PRELID1: variants seen among roughly 807,000 people sequenced by gnomAD.
PRELID1 encodes PRELI domain-containing protein 1, mitochondrial.
A neutral mutation model predicts 29.0 loss-of-function variants in PRELID1; 15 were observed. That is an observed-to-expected ratio of 0.52 (90% CI 0.35 to 0.80). PRELID1 has a LOEUF of 0.80. Ranked by LOEUF, PRELID1 falls within the 30% of genes least tolerant of loss-of-function variation. The pLI, the probability that PRELID1 is intolerant of heterozygous loss-of-function variation, is 0.01. For synonymous variants in PRELID1, 79 were observed against 106.5 expected (o/e 0.74, Z 1.59); for missense variants, 187 against 275.9 (o/e 0.68, Z 2.28).
chr5:177,305,003 G>T (rs1266318796), intron 2 of PRELID1, among the ~76,000 whole-genome samples, 153 bp downstream of exon 2: 1 of 152,088 alleles, frequency 6.6e-6, no homozygotes. Context: ...TGTAGAGTAT[G>T]ACCTCAGGTT....
At chr5:177,305,790 G>A (rs1329323909) in intron 2 of PRELID1, 81 bp from the exon 3 acceptor site, 3 of 1,202,096 alleles carry the variant, frequency 2.5e-6, no homozygotes, top group Non-Finnish European at 3.7e-6. Context: ...TTCGCCTCAT[G>A]AAAAGTGACA....
In PRELID1 at chr5:177,306,136, G is replaced by A; in HGVS notation, c.471G>A (p.Lys157=). The A allele has an allele frequency of 2.5e-6, 4 of 1,613,936 alleles. No homozygotes were observed. Among genetic ancestry groups the A allele is most frequent in the Non-Finnish European group, 3.4e-6 (4 of 1,179,834 alleles). The change falls in exon 4 of 5, where the codon AAG becomes AAA. Residue 157 remains lysine, a synonymous_variant. Coordinates refer to ENST00000303204, the MANE Select transcript of PRELID1 (RefSeq NM_013237.4). ...CCCGATTCAAAAGCAACGTGACCAA[G>A]ACTATGAAGGGTTTTGAATATATCT... ...GLARFKSNVT[K]TMKGFEYILA...
Position 177,306,250 on chromosome 5 carries a change from A to C in PRELID1, c.511+74A>C, listed in dbSNP as rs575089159. 176 of 1,568,610 alleles carry C rather than the reference A, an allele frequency of 1.1e-4. 3 individuals carry two copies. In the Middle Eastern group the frequency reaches 1.5e-3, roughly 13 times the overall value. ...GCCTAGCGGGCGTGGAGTCTGGGTT[A>C]GTCATTGCCCTGCTCTGAGCTGGGA... is the stretch of plus-strand genomic sequence containing the variant. On this transcript the variant is annotated intron_variant, in intron 4 of 4. Coordinates refer to ENST00000303204, the MANE Select transcript of PRELID1 (RefSeq NM_013237.4).
chr5:177,304,901 G>A lies in PRELID1; in HGVS notation c.318+51G>A, dbSNP rs753417969. 9 of 1,469,782 alleles carry A rather than the reference G, an allele frequency of 6.1e-6. No individual in the cohort carries two copies. The East Asian group carries it at 9.7e-5, about 16-fold the overall frequency. The allele number at this position is 1,469,782 out of a possible 1,614,324, so 91.0% of individuals were successfully genotyped here. A position where few individuals can be genotyped will look rare whatever the true frequency, so the allele number is the denominator to read the frequency against. ...GCACCTCCCCCTCTCCCCTCCCCCCGAGATAGAGAGCTCCTCAGATACATG... is the reference window on the plus strand; with the variant it reads ...GCACCTCCCCCTCTCCCCTCCCCCCAAGATAGAGAGCTCCTCAGATACATG... On this transcript the variant is annotated intron_variant, in intron 2 of 4. Transcript: ENST00000303204.
chr5:177,305,164 C>T (rs1043248754), intron 2 of PRELID1, among the ~76,000 whole-genome samples: 13 of 151,178 alleles, frequency 8.6e-5, no homozygotes, highest in African/African-American at 3.2e-4. Context: ...GTTGGACTCA[C>T]AGGAGTGATG....
chr5:177,304,731 G>A lies in PRELID1; in HGVS notation c.199G>A (p.Glu67Lys), dbSNP rs1477015261. ...GACCAACAGGATGCCACGCTGGGCCGAGCGACTATTTCCTGCCAATGTTGC... is the reference window on the plus strand; with the variant it reads ...GACCAACAGGATGCCACGCTGGGCCAAGCGACTATTTCCTGCCAATGTTGC... ...TKTNRMPRWA[E>K]RLFPANVAHS... The change falls in exon 2 of 5, where the codon GAG becomes AAG. Residue 67 changes from glutamate (E) to lysine (K), a missense_variant. Glu to Lys is a moderately conservative substitution (Grantham distance 56). Coordinates refer to ENST00000303204, the MANE Select transcript of PRELID1 (RefSeq NM_013237.4). The A allele has an allele frequency of 6.8e-6, 11 of 1,613,818 alleles. No homozygotes were observed. The highest frequency in any genetic ancestry group is 6.8e-6 in the Non-Finnish European group (8 of 1,179,852).
intron 2 of PRELID1, 85 bp downstream of exon 2, chr5:177,304,935 G>C: frequency 7.5e-7 from 1 of 1,330,540 alleles, no homozygotes; most frequent in Non-Finnish European, 1.0e-6. Flanking sequence ...TGTGGCTAGA[G>C]AGCCATAAGG....
Position 177,303,849 on chromosome 5 carries a change from G to A in PRELID1, c.-137G>A, listed in dbSNP as rs1760782147. On this transcript the variant is annotated 5_prime_UTR_variant, in exon 1 of 5. Coordinates refer to ENST00000303204, the MANE Select transcript of PRELID1 (RefSeq NM_013237.4). This position sits in a 1 kb window ranked among gnomAD's most constrained non-coding sequence, Gnocchi z 6.1. ...GGCGGCGGCGGCGGCAGCTGCTTGG[G>A]CGCGGTGCGGTGGTGACTGAGCTAC... The A allele has an allele frequency of 8.7e-6, 5 of 573,248 alleles. No individual in the cohort carries two copies. Among genetic ancestry groups the A allele is most frequent in the Admixed American group, 4.4e-5 (1 of 22,576 alleles). The allele number at this position is 573,248 out of a possible 1,614,324, so 35.5% of individuals were successfully genotyped here.
chr5:177,305,660 C>A (rs913642340), intron 2 of PRELID1: 16 of 573,126 alleles, frequency 2.8e-5, no homozygotes, highest in East Asian at 1.5e-4. Flanking sequence ...CTTTTGCCTT[C>A]TAGTTTAAGA....
At position 177,306,185 on chromosome 5, in the gene PRELID1, C is replaced by A; in HGVS notation, c.511+9C>A. 6.2e-7 allele frequency: 1 copy of A among 1,611,184 alleles called. No homozygotes were observed. The highest frequency in any genetic ancestry group is 8.5e-7 in the Non-Finnish European group (1 of 1,177,402). ...CTTGGCTAAGCTGCAAGGTGAGTTT[C>A]TGGGTATGTGGATATTCCTCATAGG... On this transcript the variant is annotated intron_variant, in intron 4 of 4. Transcript: ENST00000303204.
At position 177,306,765 on chromosome 5, in the gene PRELID1, T is replaced by C. The variant is rs1760889669; in HGVS notation, c.*195T>C. 2.0e-6 allele frequency: 2 copies of C among 990,204 alleles called. No individual in the cohort carries two copies. The highest frequency in any genetic ancestry group is 1.6e-5 in the African/African-American group (1 of 61,082). 61.3% of individuals were successfully genotyped at this position (990,204 alleles called of 1,614,324 possible). A position where few individuals can be genotyped will look rare whatever the true frequency, so the allele number is the denominator to read the frequency against. ...TGAGCCAGGTCTGCTTATTCTCCCA[T>C]TGGGCAGCTGAGGACCGAGGCACAG... On this transcript the variant is annotated 3_prime_UTR_variant, in exon 5 of 5. Coordinates refer to ENST00000303204, the MANE Select transcript of PRELID1 (RefSeq NM_013237.4).
rs753133016 is a variant in PRELID1, at chr5:177,305,884, G to A, written c.332G>A (p.Arg111Gln). The A allele has an allele frequency of 3.7e-6, 6 of 1,613,892 alleles. No individual in the cohort carries two copies. The highest frequency in any genetic ancestry group is 2.2e-5 in the East Asian group (1 of 44,886). Reference protein sequence around the residue: ...NHARLMVVEERCVYCVNSDNS... With the variant: ...NHARLMVVEEQCVYCVNSDNS... ...GCCTCTGCATAGGTGGTGGAGGAAC[G>A]ATGTGTTTACTGTGTGAACTCTGAC... The change falls in exon 3 of 5, where the codon CGA (arginine) becomes CAA (glutamine). Residue 111 changes from arginine to glutamine, a missense_variant. Physicochemically the swap from Arg to Gln is conservative, Grantham distance 43. Coordinates refer to ENST00000303204, the MANE Select transcript of PRELID1 (RefSeq NM_013237.4).
At chr5:177,306,242 T>G (rs1435796038) in intron 4 of PRELID1, 66 bp downstream of exon 4, 13 of 1,574,990 alleles carry the variant, frequency 8.3e-6, no homozygotes, top group Non-Finnish European at 9.6e-6. Flanking sequence ...GGGCGTGGAG[T>G]CTGGGTTAGT....
intron 1 of PRELID1, 83 bp from the exon 2 acceptor site, chr5:177,304,542 C>A (rs900677893): frequency 2.5e-6 from 3 of 1,204,796 alleles, no homozygotes; most frequent in Non-Finnish European, 2.4e-6. Context: ...CCTCTCTAGG[C>A]CCGGAGCCTC....
In PRELID1 at chr5:177,306,422, G is replaced by T; in HGVS notation, c.512G>T (p.Gly171Val). Residue 171 changes from glycine (G) to valine (V), a missense_variant and splice_region_variant, in exon 5 of 5, where the codon GGC becomes GTC. Gly to Val is a moderately radical substitution (Grantham distance 109, BLOSUM62 -3). Transcript: ENST00000303204. Reference protein sequence around the residue: ...GFEYILAKLQGEAPSKTLVET... With the variant: ...GFEYILAKLQVEAPSKTLVET... Reference sequence around the variant, plus strand: ...GGCAGCCACCTGCCGTTCGCGACAGGCGAGGCCCCTTCCAAAACACTTGTT... The same window carrying T: ...GGCAGCCACCTGCCGTTCGCGACAGTCGAGGCCCCTTCCAAAACACTTGTT... 1 of 1,614,010 alleles carries T rather than the reference G, an allele frequency of 6.2e-7. No individual in the cohort carries two copies. The highest frequency in any genetic ancestry group is 8.5e-7 in the Non-Finnish European group (1 of 1,180,004).
chr5:177,304,331 G>A (rs561064186), intron 1 of PRELID1: 6 of 598,810 alleles, frequency 1.0e-5, no homozygotes, highest in South Asian at 2.0e-5. Context: ...TGGGAGTTGG[G>A]AGGGATCTTG....
chr5:177,304,569 C>T (rs772427322), intron 1 of PRELID1, 56 bp from the exon 2 acceptor site: 12 of 1,440,850 alleles, frequency 8.3e-6, no homozygotes, highest in African/African-American at 1.4e-5. Context: ...GGAATCCCCT[C>T]GGGCAGTCTC....
rs201616411 is a variant in PRELID1, at chr5:177,306,531, G to A, written c.621G>A (p.Ala207=). The change falls in exon 5 of 5, where the codon GCG becomes GCA. Residue 207 remains alanine, a synonymous_variant. Transcript: ENST00000303204. ...AGGCCAAGGACCTCGCCAGCAAGGC[G>A]GCCACCAAGAAGCAGCAGCAGCAGC... The part of the protein sequence containing the change: ...TEKAKDLASK[A]ATKKQQQQQQ... 312 of 1,612,300 alleles carry A rather than the reference G, an allele frequency of 1.9e-4. No homozygotes were observed. The highest frequency in any genetic ancestry group is 2.0e-4 in the Admixed American group (12 of 59,852).
Position 177,304,008 on chromosome 5 carries a change from A to G in PRELID1, c.23A>G (p.Gln8Arg). 6.2e-7 allele frequency: 1 copy of G among 1,611,678 alleles called. No individual in the cohort carries two copies. Among genetic ancestry groups the G allele is most frequent in the Non-Finnish European group, 8.5e-7 (1 of 1,179,904 alleles). ...ACGATGGTGAAGTATTTCCTGGGCC[A>G]GAGCGTGCTCCGGAGTTCCTGGGAC... is the stretch of plus-strand genomic sequence containing the variant. MVKYFLG[Q>R]SVLRSSWDQV... Residue 8 changes from glutamine (Q) to arginine (R), a missense_variant, in exon 1 of 5, where the codon CAG (glutamine) becomes CGG (arginine). Physicochemically the swap from Gln to Arg is conservative, Grantham distance 43. Coordinates refer to ENST00000303204, the MANE Select transcript of PRELID1 (RefSeq NM_013237.4).
Sources: gnomAD v4.1 joint callset for allele counts (sites outside exome capture counted in the v4.1 genomes callset) on GRCh38, gnomAD v4.1.1 for gene constraint, Gnocchi (gnomAD v3.1) non-coding constraint, MANE v1.5 for transcripts, NCBI Gene and HGNC (gene_info 2026-07-23, HGNC 2026-07-21) for gene names.